Variants in EHHADH observed in about 807,000 individuals in gnomAD.
The protein encoded by EHHADH is peroxisomal bifunctional enzyme.
Under a neutral mutation model 64.4 loss-of-function variants are expected in EHHADH, and 48 were observed. The ratio of observed to expected loss-of-function variants is 0.75; its 90% CI spans 0.59 to 0.95. The LOEUF (loss-of-function observed/expected upper bound fraction) is 0.95, where lower values mean the gene tolerates loss of function less well. Among genes scored for constraint, EHHADH ranks in the 40% least tolerant of loss-of-function variants. The pLI, the probability that EHHADH is intolerant of heterozygous loss-of-function variation, is 0.00. For synonymous variants in EHHADH, 308 were observed against 326.7 expected (o/e 0.94, Z 0.62); for missense variants, 854 against 876.6 (o/e 0.97, Z 0.33).
intron 2 of EHHADH, among the ~76,000 whole-genome samples, chr3:185,242,549 A>T (rs1560021642): frequency 6.6e-6 from 1 of 152,228 alleles, no homozygotes; most frequent in Non-Finnish European, 1.5e-5. Context: ...GACAAAGCAA[A>T]CAAAAACAAA....
rs1718344260 is a variant in EHHADH at position 185,204,882 on chromosome 3, T to C, written c.569-125A>G. ...AAACTAAAAGCTATTCATTAAGACA[T>C]TTAATGTACACTAAACATATGTACA... On this transcript the variant is annotated intron_variant, in intron 5 of 6. Coordinates refer to ENST00000231887, the MANE Select transcript of EHHADH (RefSeq NM_001966.4). 3 of 718,474 alleles carry C rather than the reference T, an allele frequency of 4.2e-6. No individual in the cohort carries two copies. In the East Asian group the frequency reaches 8.1e-5, roughly 19 times the overall value. 44.5% of individuals were successfully genotyped at this position (718,474 alleles called of 1,614,324 possible). A position where few individuals can be genotyped will look rare whatever the true frequency, so the allele number is the denominator to read the frequency against.
intron 6 of EHHADH, among the ~76,000 whole-genome samples, chr3:185,195,263 T>A (rs1480303660): frequency 1.3e-5 from 2 of 152,142 alleles, no homozygotes; most frequent in Non-Finnish European, 2.9e-5. Flanking sequence ...GTGTTCAACA[T>A]CAATAGTCAT....
intron 4 of EHHADH, among the ~76,000 whole-genome samples, chr3:185,221,542 T>A (rs1718831694): frequency 6.6e-6 from 1 of 151,944 alleles, no homozygotes; most frequent in African/African-American, 2.4e-5. Flanking sequence ...GAAAAATCCA[T>A]TTTTAATGCA....
chr3:185,243,522 A>G (rs1264032584), intron 2 of EHHADH, among the ~76,000 whole-genome samples: 2 of 151,996 alleles, frequency 1.3e-5, no homozygotes, highest in African/African-American at 4.8e-5. Context: ...TTGAGGTGCA[A>G]CATTAGGTTG....
Position 185,235,359 on chromosome 3 carries a change from G to A in EHHADH, c.282C>T (p.Ile94=). 6.2e-7 allele frequency: 1 copy of A among 1,613,968 alleles called. No individual in the cohort carries two copies. The highest frequency in any genetic ancestry group is 8.5e-7 in the Non-Finnish European group (1 of 1,179,964). ...GTCCCCCTCCGAAAGCCATGCCTTG[G>A]ATTGCTGCCACCACGGGCTTCTCAT... ...QRNEKPVVAA[I]QGMAFGGGLE... The change falls in exon 3 of 7, where the codon ATC becomes ATT. Residue 94 remains isoleucine (I), a synonymous_variant. Transcript: ENST00000231887.
chr3:185,251,400 G>C (rs1719742215), intron 1 of EHHADH, among the ~76,000 whole-genome samples: 1 of 152,182 alleles, frequency 6.6e-6, no homozygotes, highest in South Asian at 2.1e-4. Context: ...AGTGTGTCTT[G>C]AATTGCTACG....
chr3:185,231,969 AT>A (rs11303425), intron 3 of EHHADH, among the ~76,000 whole-genome samples: 20,668 of 147,522 alleles, frequency 0.14, 1,977 homozygotes, highest in African/African-American at 0.27. Flanking sequence ...CCAAAAGGCT[AT>A]TTTTTTTTTT....
chr3:185,238,158 A>G (rs1211669824), intron 2 of EHHADH, among the ~76,000 whole-genome samples: 1 of 152,184 alleles, frequency 6.6e-6, no homozygotes, highest in Non-Finnish European at 1.5e-5. Flanking sequence ...CTAATCAACC[A>G]TTGATAGACC....
chr3:185,207,826 A>T (rs1387920939), intron 5 of EHHADH, among the ~76,000 whole-genome samples: 2 of 152,236 alleles, frequency 1.3e-5, no homozygotes, highest in East Asian at 1.9e-4. Context: ...GGCACATCAA[A>T]TATCAAATAA....
At chr3:185,229,390 T>C (rs2108644328) in intron 4 of EHHADH, 42 bp downstream of exon 4, 2 of 1,262,094 alleles carry the variant, frequency 1.6e-6, no homozygotes, top group East Asian at 5.6e-5. Flanking sequence ...AGTCCAATTC[T>C]TCACACTAAT....
rs1358951572 is a variant in EHHADH at position 185,216,969 on chromosome 3, G to A, written c.568+1167C>T. 6.6e-6 allele frequency among the ~76,000 whole-genome samples: 1 copy of A among 152,152 alleles called. No homozygotes were observed. Among genetic ancestry groups the A allele is most frequent in the Non-Finnish European group, 1.5e-5 (1 of 68,032 alleles). ...GAAAGAACTCTGAAAGGAACATCCC[G>A]AGTCCATAAAGTAAGAAACCACTGA... is the stretch of plus-strand genomic sequence containing the variant. On this transcript the variant is annotated intron_variant, in intron 5 of 6. Transcript: ENST00000231887. This position sits in a 1 kb window ranked among gnomAD's most constrained non-coding sequence, Gnocchi z 5.3.
At chr3:185,217,604 C>A (rs1200396313) in intron 5 of EHHADH, among the ~76,000 whole-genome samples, 2 of 150,204 alleles carry the variant, frequency 1.3e-5, no homozygotes, top group Non-Finnish European at 3.0e-5. Flanking sequence ...TGCTCTCTTG[C>A]CATATGACGT....
chr3:185,219,620 A>C (rs1718783002), intron 4 of EHHADH, among the ~76,000 whole-genome samples: 1 of 152,194 alleles, frequency 6.6e-6, no homozygotes, highest in Non-Finnish European at 1.5e-5. Context: ...GGTAAGAGGT[A>C]GGGGACATCA....
At chr3:185,237,899 C>T (rs1334500600) in intron 2 of EHHADH, among the ~76,000 whole-genome samples, 2 of 152,112 alleles carry the variant, frequency 1.3e-5, no homozygotes, top group African/African-American at 4.8e-5. Context: ...CAACCCTCAC[C>T]CCAACCTCCT....
chr3:185,242,094 A>G (rs1489010346), intron 2 of EHHADH, among the ~76,000 whole-genome samples: 2 of 152,166 alleles, frequency 1.3e-5, no homozygotes, highest in African/African-American at 4.8e-5. Flanking sequence ...CTGCAAAAAA[A>G]TAAAATAAAC....
chr3:185,223,306 A>C (rs969841309), intron 4 of EHHADH, among the ~76,000 whole-genome samples: 1 of 152,126 alleles, frequency 6.6e-6, no homozygotes, highest in Non-Finnish European at 1.5e-5. Context: ...AAAAGAAATT[A>C]TTTTGGCTAA....
chr3:185,225,016 G>A (rs367878983), intron 4 of EHHADH, among the ~76,000 whole-genome samples: 7 of 152,296 alleles, frequency 4.6e-5, no homozygotes, highest in South Asian at 2.1e-4. Context: ...GCCAGATACC[G>A]TTTATGAAAT....
intron 1 of EHHADH, among the ~76,000 whole-genome samples, chr3:185,252,002 A>T (rs905475820): frequency 6.6e-6 from 1 of 152,178 alleles, no homozygotes; most frequent in African/African-American, 2.4e-5. Flanking sequence ...AAACTTCACA[A>T]CTTTATGAGG....
chr3:185,192,710 T>A lies in EHHADH; in HGVS notation c.1688A>T (p.Asp563Val). The part of the protein sequence containing the change: ...RGNRRYCPIP[D>V]VLCELGRFGQ... ...AAATCGTCCTAATTCACAGAGCACA[T>A]CAGGAATTGGGCAGTACCTCCTATT... The change falls in exon 7 of 7, where the codon GAT (aspartate) becomes GTT (valine). Residue 563 changes from aspartate (D) to valine (V), a missense_variant. Asp to Val is a radical substitution (Grantham distance 152). Coordinates refer to ENST00000231887, the MANE Select transcript of EHHADH (RefSeq NM_001966.4). The A allele has an allele frequency of 1.2e-6, 2 of 1,614,144 alleles. No individual in the cohort carries two copies. Among genetic ancestry groups the A allele is most frequent in the African/African-American group, 2.7e-5 (2 of 75,006 alleles).
Sources: allele counts gnomAD v4.1 joint callset (sites outside exome capture counted in the v4.1 genomes callset), GRCh38; gene constraint gnomAD v4.1.1; non-coding constraint Gnocchi (gnomAD v3.1); transcripts MANE v1.5; gene names NCBI Gene and HGNC (gene_info 2026-07-23, HGNC 2026-07-21).